Variants in ULK4 observed in about 807,000 individuals in gnomAD.
ULK4 encodes the protein unc-51 like kinase 4.
A neutral mutation model predicts 160.6 loss-of-function variants in ULK4; 133 were observed. The ratio of observed to expected loss-of-function variants is 0.83; its 90% confidence interval spans 0.72 to 0.96. The LOEUF (loss-of-function observed/expected upper bound fraction) is 0.96, where lower values mean the gene tolerates loss of function less well. ULK4 is among the 40% of genes least tolerant of loss of function. The pLI is 0.00. For missense variants in ULK4, 1,580 were observed against 1,499.5 expected (o/e 1.05, Z -0.89); for synonymous variants, 534 against 539.8 (o/e 0.99, Z 0.15).
chr3:41,904,555 C>T (rs1269209036), intron 12 of ULK4, among the ~76,000 whole-genome samples: 1 of 152,074 alleles, frequency 6.6e-6, no homozygotes, highest in Non-Finnish European at 1.5e-5. Flanking sequence ...AACCATCTGC[C>T]AGAAGAGCTT....
intron 1 of ULK4, among the ~76,000 whole-genome samples, chr3:41,960,545 G>A (rs1700630698): frequency 6.6e-6 from 1 of 151,700 alleles, no homozygotes. Flanking sequence ...TTGTGTTTTT[G>A]GTAGATATGG....
chr3:41,588,580 T>A (rs1490190993), intron 31 of ULK4, among the ~76,000 whole-genome samples: 1 of 152,190 alleles, frequency 6.6e-6, no homozygotes, highest in Non-Finnish European at 1.5e-5. Flanking sequence ...TGGCTGTACA[T>A]CACACAACCT....
chr3:41,269,051 C>T (rs2079094585), intron 35 of ULK4, among the ~76,000 whole-genome samples: 1 of 152,130 alleles, frequency 6.6e-6, no homozygotes, highest in South Asian at 2.1e-4. Flanking sequence ...ACACACTTGT[C>T]ACCAGGTAGT....
chr3:41,386,469 G>C (rs1156965399), intron 35 of ULK4, among the ~76,000 whole-genome samples: 1 of 152,160 alleles, frequency 6.6e-6, no homozygotes, highest in Admixed American at 6.5e-5. Flanking sequence ...ACAAACTCCA[G>C]TTTTCTCAAA....
intron 30 of ULK4, among the ~76,000 whole-genome samples, chr3:41,662,782 C>G (rs1286981481): frequency 2.0e-5 from 3 of 152,016 alleles, no homozygotes; most frequent in Non-Finnish European, 4.4e-5. Flanking sequence ...CCTTTCTTCC[C>G]CTTCTGTGGA....
intron 30 of ULK4, among the ~76,000 whole-genome samples, chr3:41,647,436 G>A (rs1461753255): frequency 6.6e-6 from 1 of 152,226 alleles, no homozygotes; most frequent in Non-Finnish European, 1.5e-5. Flanking sequence ...CTGCAGGTCT[G>A]TTGGAGTTTG....
chr3:41,260,214 T>G (rs938763067), intron 35 of ULK4: 5 of 152,230 alleles, frequency 3.3e-5, no homozygotes, highest in Non-Finnish European at 7.3e-5. Flanking sequence ...TCTTGCCACC[T>G]GATGCCAGGA....
chr3:41,820,535 A>G (rs1216704878), intron 18 of ULK4, among the ~76,000 whole-genome samples: 1 of 152,176 alleles, frequency 6.6e-6, no homozygotes, highest in Non-Finnish European at 1.5e-5. Context: ...CAAGAACAGA[A>G]AATCAAATAC....
At chr3:41,618,561 G>A (rs2033089568) in intron 30 of ULK4, among the ~76,000 whole-genome samples, 1 of 152,176 alleles carries the variant, frequency 6.6e-6, no homozygotes, top group Admixed American at 6.5e-5. Flanking sequence ...ATCCTTTCCA[G>A]ATGAGCAAAT....
chr3:41,323,237 A>G (rs2080278891), intron 35 of ULK4, among the ~76,000 whole-genome samples: 1 of 152,016 alleles, frequency 6.6e-6, no homozygotes, highest in South Asian at 2.1e-4. Flanking sequence ...ATGCCCGGCC[A>G]TTCTTTTAAA....
Position 41,882,750 on chromosome 3 carries a change from C to T in ULK4, c.1656+1124G>A, listed in dbSNP as rs137884607. Among the ~76,000 whole-genome samples the T allele has an allele frequency of 2.7e-3, 412 of 152,318 alleles. 5 individuals carry two copies. Among genetic ancestry groups the T allele is most frequent in the Non-Finnish European group, 2.3e-3 (155 of 68,032 alleles). On this transcript the variant is annotated intron_variant, in intron 17 of 36. Coordinates refer to ENST00000301831, the MANE Select transcript of ULK4 (RefSeq NM_017886.4). The stretch of plus-strand genomic sequence containing the variant: ...AGGAACATCCTCTAAAATCTTGGCA[C>T]TTTGTCTTGGACTTTAAGTTCTCTC...
At chr3:41,515,253 T>C (rs1373919929) in intron 32 of ULK4, among the ~76,000 whole-genome samples, 1 of 149,976 alleles carries the variant, frequency 6.7e-6, no homozygotes, top group East Asian at 2.0e-4. Context: ...TGAGACTCCA[T>C]CTCAAAAAAA....
At chr3:41,685,897 A>ATG (rs2036087368) in intron 27 of ULK4, among the ~76,000 whole-genome samples, 1 of 152,196 alleles carries the variant, frequency 6.6e-6, no homozygotes, top group Non-Finnish European at 1.5e-5. Context: ...CCCAAGGACC[A>ATG]TGGTCAGTAA....
chr3:41,890,374 T>G (rs559921263), intron 16 of ULK4, among the ~76,000 whole-genome samples: 2 of 152,026 alleles, frequency 1.3e-5, no homozygotes, highest in South Asian at 4.2e-4. Context: ...AGAAATAATA[T>G]AAAAGCTAAA....
At chr3:41,708,091 A>G (rs2036967301) in intron 25 of ULK4, among the ~76,000 whole-genome samples, 1 of 152,136 alleles carries the variant, frequency 6.6e-6, no homozygotes, top group Non-Finnish European at 1.5e-5. Context: ...AGCCATTATG[A>G]AAAATACTAT....
At chr3:41,439,551 T>C (rs1303114467) in intron 34 of ULK4, among the ~76,000 whole-genome samples, 1 of 152,286 alleles carries the variant, frequency 6.6e-6, no homozygotes, top group African/African-American at 2.4e-5. Flanking sequence ...GTACAAAGTA[T>C]ACAACAATCA....
chr3:41,543,614 C>T (rs1170338727), intron 32 of ULK4, among the ~76,000 whole-genome samples: 1 of 152,078 alleles, frequency 6.6e-6, no homozygotes, highest in Non-Finnish European at 1.5e-5. Flanking sequence ...TAAGTCTCTT[C>T]ATTTTTTCTA....
chr3:41,248,680 C>G (rs1166174835), intron 36 of ULK4, among the ~76,000 whole-genome samples: 1 of 152,208 alleles, frequency 6.6e-6, no homozygotes, highest in African/African-American at 2.4e-5. Context: ...AAAACAGAAT[C>G]TACCAGGAAA....
intron 31 of ULK4, among the ~76,000 whole-genome samples, chr3:41,579,708 G>C (rs1271596254): frequency 6.6e-6 from 1 of 151,896 alleles, no homozygotes; most frequent in Non-Finnish European, 1.5e-5. Context: ...TAGCCAGGAT[G>C]GTCTCGATCT....
Sources: allele counts gnomAD v4.1 joint callset (sites outside exome capture counted in the v4.1 genomes callset), GRCh38; gene constraint gnomAD v4.1.1; transcripts MANE v1.5; gene names NCBI Gene and HGNC (gene_info 2026-07-23, HGNC 2026-07-21).